The following HABP2 variants were observed in gnomAD, a reference collection of about 807,000 sequenced individuals.
The protein encoded by HABP2 is factor VII-activating protease.
HABP2 carries 65 observed loss-of-function variants against 66.5 expected under a neutral mutation model. That is an observed-to-expected ratio of 0.98 (90% CI 0.80 to 1.20). The LOEUF (loss-of-function observed/expected upper bound fraction) is 1.20. HABP2 is among the 50% of genes most tolerant of loss of function. The probability of loss-of-function intolerance (pLI) is 0.00; values close to 1 mark genes in which losing one functional copy is unlikely to be tolerated. For missense variants in HABP2, 786 were observed against 691.0 expected (o/e 1.14, Z -1.54); for synonymous variants, 263 against 253.9 (o/e 1.04, Z -0.34).
intron 1 of HABP2, among the ~76,000 whole-genome samples, chr10:113,558,891 G>A (rs772276214): frequency 1.3e-5 from 2 of 151,890 alleles, no homozygotes; most frequent in African/African-American, 2.4e-5. Flanking sequence ...GTCTCGCTCT[G>A]TTGCCCAGGC....
At chr10:113,572,861 G>A (rs528996798) in intron 2 of HABP2, 203 of 232,784 alleles carry the variant, frequency 8.7e-4, no homozygotes, top group African/African-American at 4.3e-3. Flanking sequence ...CAGAGTTGGC[G>A]TATTCAAAAA....
chr10:113,565,531 A>C (rs1178904285), intron 1 of HABP2, among the ~76,000 whole-genome samples: 1 of 152,196 alleles, frequency 6.6e-6, no homozygotes, highest in Non-Finnish European at 1.5e-5. Context: ...CAGCTCTCCT[A>C]GGAACTAATA....
At chr10:113,585,746 C>T (rs775962449) in intron 11 of HABP2, 47 bp from the exon 12 acceptor site, 112 of 1,535,272 alleles carry the variant, frequency 7.3e-5, no homozygotes, top group Non-Finnish European at 8.4e-5. Flanking sequence ...GTTGGTGCCA[C>T]CCTGGTCCCC....
At chr10:113,577,055 T>C (rs894910551) in intron 4 of HABP2, 95 bp from the exon 5 acceptor site, 5 of 761,770 alleles carry the variant, frequency 6.6e-6, no homozygotes, top group South Asian at 6.1e-5. Flanking sequence ...CTACAGACAC[T>C]GTCAGTCACC....
intron 12 of HABP2, among the ~76,000 whole-genome samples, chr10:113,586,845 G>T (rs1001245288): frequency 1.3e-5 from 2 of 152,158 alleles, no homozygotes; most frequent in African/African-American, 2.4e-5. Context: ...ACAATGATTT[G>T]CTGGCCTTGA....
chr10:113,577,416 C>A (rs1391199212), intron 5 of HABP2, 150 bp downstream of exon 5: 1 of 659,072 alleles, frequency 1.5e-6, no homozygotes, highest in Non-Finnish European at 2.8e-6. Context: ...ATTCATTATC[C>A]CTGGATTGAC....
At chr10:113,570,823 T>C (rs1845293186) in intron 2 of HABP2, among the ~76,000 whole-genome samples, 2 of 152,194 alleles carry the variant, frequency 1.3e-5, no homozygotes, top group South Asian at 4.1e-4. Context: ...TCACATACAT[T>C]AACTACAGGT....
At chr10:113,574,447 T>G in intron 3 of HABP2, 42 bp downstream of exon 3, 1 of 999,978 alleles carries the variant, frequency 1.0e-6, no homozygotes, top group Non-Finnish European at 1.6e-6. Flanking sequence ...TGGGAGAAGG[T>G]CAGAGCGGAG....
chr10:113,578,748 G>A lies in HABP2; in HGVS notation c.690G>A (p.Met230Ile), dbSNP rs1174673064. The change falls in exon 7 of 13, where the codon ATG becomes ATA. Residue 230 changes from methionine (M) to isoleucine (I), a missense_variant. Physicochemically the swap from Met to Ile is conservative, Grantham distance 10. Transcript: ENST00000351270. Reference sequence around the variant, plus strand: ...TCCTCTTGCAGGAGAATTACAACATGTTTATGGAGGATGCTGAAACCCATG... The same window carrying A: ...TCCTCTTGCAGGAGAATTACAACATATTTATGGAGGATGCTGAAACCCATG... ...SHLLLQENYN[M>I]FMEDAETHGI... 2.5e-6 allele frequency: 4 copies of A among 1,612,340 alleles called. No homozygotes were observed. The highest frequency in any genetic ancestry group is 3.4e-6 in the Non-Finnish European group (4 of 1,178,394).
At chr10:113,587,476 CT>C (rs1845667483) in intron 12 of HABP2, among the ~76,000 whole-genome samples, 1 of 150,784 alleles carries the variant, frequency 6.6e-6, no homozygotes, top group Non-Finnish European at 1.5e-5. Context: ...ATTCTTCAAT[CT>C]CAGATGCCTA....
chr10:113,559,395 T>C (rs1199997553), intron 1 of HABP2, among the ~76,000 whole-genome samples: 2 of 152,168 alleles, frequency 1.3e-5, no homozygotes, highest in Admixed American at 6.5e-5. Flanking sequence ...GAATAAAACA[T>C]TGGAATTGGG....
chr10:113,588,329 A>T lies in HABP2; in HGVS notation c.1643A>T (p.Asn548Ile). 1 of 1,613,660 alleles carries T rather than the reference A, an allele frequency of 6.2e-7. No homozygotes were observed. The highest frequency in any genetic ancestry group is 1.3e-5 in the African/African-American group (1 of 75,026). Residue 548 changes from asparagine (N) to isoleucine (I), a missense_variant, in exon 13 of 13, where the codon AAT (asparagine) becomes ATT (isoleucine). By Grantham distance (149) the Asn-to-Ile change is moderately radical. Transcript: ENST00000351270. ...GVYTQVTKFL[N>I]WIKATIKSES... ...TACACCCAAGTTACCAAATTCCTGA[A>T]TTGGATCAAAGCCACCATCAAAAGT... is the stretch of plus-strand genomic sequence containing the variant.
intron 11 of HABP2, 120 bp from the exon 12 acceptor site, chr10:113,585,673 A>G: frequency 1.3e-6 from 1 of 743,932 alleles, no homozygotes; most frequent in South Asian, 1.6e-5. Context: ...TATCCTGGAA[A>G]AACCCTTCCC....
At chr10:113,572,984 A>G (rs140978896) in intron 2 of HABP2, among the ~76,000 whole-genome samples, 17 of 152,360 alleles carry the variant, frequency 1.1e-4, no homozygotes, top group African/African-American at 4.1e-4. Context: ...CTGAGAGACG[A>G]GTAAGATAAT....
chr10:113,553,267 T>C, intron 1 of HABP2, 77 bp downstream of exon 1: 1 of 1,073,940 alleles, frequency 9.3e-7, no homozygotes, highest in Non-Finnish European at 1.4e-6. Context: ...CTGGGAGTGA[T>C]GAGAAACTTT....
intron 1 of HABP2, among the ~76,000 whole-genome samples, chr10:113,560,949 G>A (rs1329198755): frequency 6.6e-6 from 1 of 152,200 alleles, no homozygotes; most frequent in African/African-American, 2.4e-5. Context: ...GAGTGGTGAT[G>A]GGTACACAGC....
At chr10:113,571,320 A>G (rs1845305183) in intron 2 of HABP2, among the ~76,000 whole-genome samples, 1 of 152,198 alleles carries the variant, frequency 6.6e-6, no homozygotes, top group South Asian at 2.1e-4. Flanking sequence ...GGCCTCAGCT[A>G]GGACCACTAG....
intron 2 of HABP2, among the ~76,000 whole-genome samples, chr10:113,569,343 T>C (rs1845259732): frequency 6.6e-6 from 1 of 152,146 alleles, no homozygotes; most frequent in African/African-American, 2.4e-5. Context: ...GTTGTAGAGA[T>C]TGGGCCTTTT....
intron 1 of HABP2, among the ~76,000 whole-genome samples, chr10:113,563,294 A>G (rs1191675662): frequency 1.3e-5 from 2 of 152,188 alleles, no homozygotes; most frequent in Non-Finnish European, 2.9e-5. Flanking sequence ...GAAAGGAGGC[A>G]AATACTGTGT....
Sources: gnomAD v4.1 joint callset for allele counts (sites outside exome capture counted in the v4.1 genomes callset) on GRCh38, gnomAD v4.1.1 for gene constraint, MANE v1.5 for transcripts, NCBI Gene and HGNC (gene_info 2026-07-23, HGNC 2026-07-21) for gene names.